The following ZEB1 variants were observed in gnomAD, a reference collection of about 807,000 sequenced individuals.
The protein encoded by ZEB1 is zinc finger E-box binding homeobox 1, also known as zinc finger E-box-binding homeobox 1.
A neutral mutation model predicts 84.9 loss-of-function variants in ZEB1; 21 were observed. The ratio of observed to expected loss-of-function variants is 0.25; its 90% CI spans 0.18 to 0.36. The LOEUF is 0.36. ZEB1 is among the 10% of genes least tolerant of loss of function. The pLI is 1.00. For missense variants in ZEB1, 1,104 were observed against 1,330.2 expected (o/e 0.83, Z 2.65); for synonymous variants, 420 against 471.1 (o/e 0.89, Z 1.41).
chr10:31,516,453 C>T (rs1216753753), intron 6 of ZEB1, among the ~76,000 whole-genome samples: 2 of 138,988 alleles, frequency 1.4e-5, no homozygotes, highest in Non-Finnish European at 3.1e-5. Context: ...AAATGCCATA[C>T]ATATGCTGGA....
intron 1 of ZEB1, among the ~76,000 whole-genome samples, chr10:31,404,532 A>AAC (rs1479929032): frequency 1.3e-5 from 2 of 152,154 alleles, no homozygotes; most frequent in Non-Finnish European, 2.9e-5. Context: ...ATACATATTT[A>AAC]GTTGTATTTT....
intron 1 of ZEB1, among the ~76,000 whole-genome samples, chr10:31,382,006 C>CAAA (rs535534850): frequency 1.3e-3 from 55 of 40,750 alleles, no homozygotes; most frequent in Non-Finnish European, 2.6e-3. Flanking sequence ...GAGACTGTCT[C>CAAA]AAAAAAAAAA....
At chr10:31,490,806 C>T (rs1281624973) in intron 2 of ZEB1, among the ~76,000 whole-genome samples, 1 of 151,728 alleles carries the variant, frequency 6.6e-6, no homozygotes, top group Non-Finnish European at 1.5e-5. Flanking sequence ...TTAAATAAGA[C>T]TAATACTTCG....
At chr10:31,406,287 T>C (rs1470569362) in intron 1 of ZEB1, among the ~76,000 whole-genome samples, 1 of 152,178 alleles carries the variant, frequency 6.6e-6, no homozygotes, top group Admixed American at 6.5e-5. Context: ...CCATAATGGT[T>C]GAACTAATTT....
At chr10:31,327,812 C>A (rs908090089) in intron 1 of ZEB1, among the ~76,000 whole-genome samples, 1 of 152,174 alleles carries the variant, frequency 6.6e-6, no homozygotes. Context: ...TGCCAGCCTT[C>A]GGTATTGTAC....
chr10:31,515,963 G>A (rs2071025652), intron 6 of ZEB1, among the ~76,000 whole-genome samples: 1 of 151,878 alleles, frequency 6.6e-6, no homozygotes, highest in Non-Finnish European at 1.5e-5. Flanking sequence ...GCAGAGGAAG[G>A]AAAATAAAGC....
intron 3 of ZEB1, among the ~76,000 whole-genome samples, chr10:31,496,956 ATAAT>A (rs1259764086): frequency 6.6e-6 from 1 of 152,246 alleles, no homozygotes. Context: ...GAATTCCAAA[ATAAT>A]TAAATAATAA....
At chr10:31,464,016 CTATG>C (rs2062100713) in intron 2 of ZEB1, among the ~76,000 whole-genome samples, 3 of 151,990 alleles carry the variant, frequency 2.0e-5, no homozygotes, top group African/African-American at 4.8e-5. Flanking sequence ...TGGTTATCTG[CTATG>C]ATATGATAAA....
chr10:31,376,590 T>A (rs1359818749), intron 1 of ZEB1, among the ~76,000 whole-genome samples: 2 of 151,738 alleles, frequency 1.3e-5, no homozygotes, highest in Non-Finnish European at 3.0e-5. Context: ...GTTAAGAAGT[T>A]GGGCTCCAGA....
chr10:31,394,429 A>C (rs161278), intron 1 of ZEB1, among the ~76,000 whole-genome samples: 30,148 of 152,096 alleles, frequency 0.2, 5,943 homozygotes, highest in African/African-American at 0.51. Flanking sequence ...AAGCATTAGC[A>C]TACTGCTTCG....
intron 2 of ZEB1, among the ~76,000 whole-genome samples, chr10:31,478,591 G>T (rs183757415): frequency 6.6e-6 from 1 of 152,056 alleles, no homozygotes; most frequent in African/African-American, 2.4e-5. Context: ...CAGAGTCATG[G>T]AATCAACCTA....
rs1035287670 is a variant in ZEB1, at chr10:31,411,808, A to G, written c.59-49229A>G. 5.9e-5 allele frequency among the ~76,000 whole-genome samples: 9 copies of G among 152,022 alleles called. No individual in the cohort carries two copies. The East Asian group carries it at 1.5e-3, about 26-fold the overall frequency. ...TTTTGCTTATTTTGTTTACTGCACA[A>G]TCCAACTAAAACCAAATTTTTTACA... On this transcript the variant is annotated intron_variant, in intron 1 of 8. Transcript: ENST00000424869.
chr10:31,462,931 T>C (rs1020236567), intron 2 of ZEB1, among the ~76,000 whole-genome samples: 1 of 151,842 alleles, frequency 6.6e-6, no homozygotes, highest in African/African-American at 2.4e-5. Context: ...AGAAAGGAGA[T>C]AGAATATATA....
At chr10:31,341,866 T>C (rs1319394498) in intron 1 of ZEB1, among the ~76,000 whole-genome samples, 1 of 152,200 alleles carries the variant, frequency 6.6e-6, no homozygotes, top group Non-Finnish European at 1.5e-5. Flanking sequence ...TATATCGTTG[T>C]GATTTCCTTA....
chr10:31,487,396 G>A (rs2065890179), intron 2 of ZEB1, among the ~76,000 whole-genome samples: 1 of 151,326 alleles, frequency 6.6e-6, no homozygotes, highest in African/African-American at 2.4e-5. Context: ...AACATGGTGT[G>A]TGTTTACATT....
intron 1 of ZEB1, among the ~76,000 whole-genome samples, chr10:31,426,734 A>T (rs918136126): frequency 6.6e-6 from 1 of 152,012 alleles, no homozygotes; most frequent in Non-Finnish European, 1.5e-5. Flanking sequence ...TTTACCCTCT[A>T]CCTAAACAAA....
intron 2 of ZEB1, among the ~76,000 whole-genome samples, chr10:31,473,256 A>G (rs1169249272): frequency 2.0e-5 from 3 of 149,838 alleles, no homozygotes; most frequent in African/African-American, 5.0e-5. Flanking sequence ...TTAGGAAAAG[A>G]GGAAGTCAAA....
At chr10:31,440,043 A>G (rs895293569) in intron 1 of ZEB1, among the ~76,000 whole-genome samples, 1 of 152,204 alleles carries the variant, frequency 6.6e-6, no homozygotes, top group African/African-American at 2.4e-5. Flanking sequence ...TGGTACCATC[A>G]GGTAGTTAGT....
In ZEB1 at chr10:31,329,614, T is replaced by G. The variant is rs547900497; in HGVS notation, c.58+10322T>G. Among the ~76,000 whole-genome samples the G allele has an allele frequency of 4.3e-4, 65 of 152,284 alleles. No homozygotes were observed. In the Middle Eastern group the frequency reaches 0.017, roughly 40 times the overall value. ...ACATATAGTAAGTATATGTTTAACT[T>G]GGTAAGAAGCTGCAAAATTGCAAAC... On this transcript the variant is annotated intron_variant, in intron 1 of 8. Coordinates refer to ENST00000424869, the MANE Select transcript of ZEB1 (RefSeq NM_001174096.2).
Sources: allele counts gnomAD v4.1 joint callset (sites outside exome capture counted in the v4.1 genomes callset), GRCh38; gene constraint gnomAD v4.1.1; transcripts MANE v1.5; gene names NCBI Gene and HGNC (gene_info 2026-07-23, HGNC 2026-07-21).